The following UCN3 variants were observed in gnomAD, a reference collection of about 807,000 sequenced individuals.
The protein encoded by UCN3 is urocortin-3.
In UCN3, 3 loss-of-function variants were observed where a neutral mutation model predicts 3.6. That is an observed-to-expected ratio of 0.83 (90% CI 0.38 to 2.15). The LOEUF (loss-of-function observed/expected upper bound fraction) is 2.15, where lower values mean the gene tolerates loss of function less well. Among genes scored for constraint, UCN3 ranks in the 30% most tolerant of loss-of-function variants. UCN3 has a pLI of 0.06. For synonymous variants in UCN3, 100 were observed against 93.2 expected (o/e 1.07, Z -0.42); for missense variants, 206 against 208.3 (o/e 0.99, Z 0.07).
chr10:5,370,565 GTATATGCGTGTATATGTGTGTA>G lies in UCN3; in HGVS notation c.-6-3146_-6-3125del, dbSNP rs1831375850. 8.2e-5 allele frequency among the ~76,000 whole-genome samples: 9 copies of G among 109,884 alleles called. 2 individuals carry two copies. The highest frequency in any genetic ancestry group is 1.3e-4 in the Non-Finnish European group (7 of 55,312). 72.1% of individuals were successfully genotyped at this position (109,884 alleles called of 152,430 possible). A position where few individuals can be genotyped will look rare whatever the true frequency, so the allele number is the denominator to read the frequency against. On this transcript the variant is annotated intron_variant, in intron 1 of 1. Transcript: ENST00000380433. ...CGTGTATATGTGTGTATATGTGTGTGTATATGCGTGTATATGTGTGTATATGTGTGTGTGTATGCGTGTGTAT... is the reference window on the plus strand; with the variant it reads ...CGTGTATATGTGTGTATATGTGTGTGTATGTGTGTGTGTATGCGTGTGTAT...
intron 1 of UCN3, among the ~76,000 whole-genome samples, chr10:5,373,488 G>A (rs1183676551): frequency 1.3e-5 from 2 of 152,142 alleles, no homozygotes; most frequent in African/African-American, 2.4e-5. Flanking sequence ...TAGAACACAG[G>A]CAGCTGGGCC....
chr10:5,366,591 A>G lies in UCN3; in HGVS notation c.-7+1361A>G, dbSNP rs1445005060. Among the ~76,000 whole-genome samples, 1 of 152,216 alleles carries G rather than the reference A, an allele frequency of 6.6e-6. No homozygotes were observed. Among genetic ancestry groups the G allele is most frequent in the Non-Finnish European group, 1.5e-5 (1 of 68,046 alleles). ...AAACAAATCTAAACAGATCCTAAAA[A>G]GAAAAGTCCTGGAAAGAAATCTGAA... On this transcript the variant is annotated intron_variant, in intron 1 of 1. Coordinates refer to ENST00000380433, the MANE Select transcript of UCN3 (RefSeq NM_053049.4). The surrounding 1 kb of genome is among the most constrained non-coding windows in gnomAD (Gnocchi z 4.2).
rs1280998901 is a variant in UCN3, at chr10:5,370,919, G to A, written c.-6-2796G>A. Among the ~76,000 whole-genome samples, 2 of 142,152 alleles carry A rather than the reference G, an allele frequency of 1.4e-5. 1 individual carries two copies. The highest frequency in any genetic ancestry group is 5.4e-5 in the African/African-American group (2 of 36,970). 93.3% of individuals were successfully genotyped at this position (142,152 alleles called of 152,430 possible). A position where few individuals can be genotyped will look rare whatever the true frequency, so the allele number is the denominator to read the frequency against. On this transcript the variant is annotated intron_variant, in intron 1 of 1. Transcript: ENST00000380433. ...TGCGTGTGTATATGCGTGTGTATAT[G>A]CGTGTGTATATGTGTGTTCATGTGT...
rs1355556540 is a variant in UCN3 at position 5,370,824 on chromosome 10, CGCGCGTGTGTGT to C, written c.-6-2863_-6-2852del. On this transcript the variant is annotated intron_variant, in intron 1 of 1. Coordinates refer to ENST00000380433, the MANE Select transcript of UCN3 (RefSeq NM_053049.4). ...GTATATGTGTGTGTGCGTGTGTGTG[CGCGCGTGTGTGT>C]GCGCGTGTGTGTGCGCGTGTGTGTG... is the stretch of plus-strand genomic sequence containing the variant. Among the ~76,000 whole-genome samples, 622 of 82,922 alleles carry C rather than the reference CGCGCGTGTGTGT, an allele frequency of 7.5e-3. 29 individuals are homozygous for C. The highest frequency in any genetic ancestry group is 0.022 in the South Asian group (39 of 1,804). The allele number at this position is 82,922 out of a possible 152,430, so 54.4% of individuals were successfully genotyped here.
rs985503838 is a variant in UCN3 at position 5,367,711 on chromosome 10, G to A, written c.-7+2481G>A. Reference sequence around the variant, plus strand: ...TTGATTTACACTAAAGGGCCAGTCCGTGTGAGCAGAGCCCCAAGATGGGCT... The same window carrying A: ...TTGATTTACACTAAAGGGCCAGTCCATGTGAGCAGAGCCCCAAGATGGGCT... On this transcript the variant is annotated intron_variant, in intron 1 of 1. Coordinates refer to ENST00000380433, the MANE Select transcript of UCN3 (RefSeq NM_053049.4). This position sits in a 1 kb window ranked among gnomAD's most constrained non-coding sequence, Gnocchi z 4.3. 5.9e-5 allele frequency among the ~76,000 whole-genome samples: 9 copies of A among 152,356 alleles called. No individual in the cohort carries two copies. The highest frequency in any genetic ancestry group is 3.4e-3 in the Middle Eastern group (1 of 294).
At chr10:5,370,452 T>C (rs1831366032) in intron 1 of UCN3, among the ~76,000 whole-genome samples, 1 of 120,670 alleles carries the variant, frequency 8.3e-6, no homozygotes, top group African/African-American at 3.2e-5. Flanking sequence ...TGTATGTGTG[T>C]GTGTATATGT....
chr10:5,372,049 A>G (rs1480468559), intron 1 of UCN3, among the ~76,000 whole-genome samples: 3 of 152,198 alleles, frequency 2.0e-5, no homozygotes, highest in Admixed American at 2.0e-4. Context: ...GGGCCCGCAG[A>G]CGGCAGCCGT....
At chr10:5,370,848 T>TGA (rs1564443650) in intron 1 of UCN3, among the ~76,000 whole-genome samples, 3 of 64,972 alleles carry the variant, frequency 4.6e-5, no homozygotes, top group Non-Finnish European at 9.5e-5. Flanking sequence ...CGCGTGTGTG[T>TGA]GCGCGTGTGT....
chr10:5,371,871 T>G (rs1215963800), intron 1 of UCN3, among the ~76,000 whole-genome samples: 1 of 151,778 alleles, frequency 6.6e-6, no homozygotes, highest in African/African-American at 2.4e-5. Flanking sequence ...TCTTGCTTGC[T>G]TTTGTGAAAG....
Position 5,370,774 on chromosome 10 carries a change from T to C in UCN3, c.-6-2941T>C, listed in dbSNP as rs1485097226. 1.7e-4 allele frequency among the ~76,000 whole-genome samples: 23 copies of C among 137,816 alleles called. 2 individuals are homozygous for C. Among genetic ancestry groups the C allele is most frequent in the African/African-American group, 4.9e-4 (17 of 34,806 alleles). The allele number at this position is 137,816 out of a possible 152,430, so 90.4% of individuals were successfully genotyped here. On this transcript the variant is annotated intron_variant, in intron 1 of 1. Coordinates refer to ENST00000380433, the MANE Select transcript of UCN3 (RefSeq NM_053049.4). ...TGATGTGTGTGTATATGCGTGTGTA[T>C]ATGCGTGTGTGTGTGTATGCGTGTG...
chr10:5,368,256 G>A (rs927535875), intron 1 of UCN3, among the ~76,000 whole-genome samples: 3 of 151,914 alleles, frequency 2.0e-5, no homozygotes, highest in South Asian at 2.1e-4. Context: ...CACCTGCCTC[G>A]GCCCCCCAAA....
At chr10:5,369,182 G>A (rs551974053) in intron 1 of UCN3, among the ~76,000 whole-genome samples, 2 of 152,342 alleles carry the variant, frequency 1.3e-5, no homozygotes, top group South Asian at 2.1e-4. Context: ...ACAAGCCAGA[G>A]ATACGATACA....
intron 1 of UCN3, among the ~76,000 whole-genome samples, chr10:5,368,041 T>C (rs1467357892): frequency 6.6e-6 from 1 of 152,134 alleles, no homozygotes; most frequent in Non-Finnish European, 1.5e-5. Context: ...TCTCACTCTT[T>C]CACCCAGGAT....
Position 5,367,367 on chromosome 10 carries a change from T to C in UCN3, c.-7+2137T>C, listed in dbSNP as rs140989878. Among the ~76,000 whole-genome samples, 896 of 152,306 alleles carry C rather than the reference T, an allele frequency of 5.9e-3. 11 individuals carry two copies. Among genetic ancestry groups the C allele is most frequent in the Middle Eastern group, 0.024 (7 of 294 alleles). On this transcript the variant is annotated intron_variant, in intron 1 of 1. Coordinates refer to ENST00000380433, the MANE Select transcript of UCN3 (RefSeq NM_053049.4). The surrounding 1 kb of genome is among the most constrained non-coding windows in gnomAD (Gnocchi z 4.3). ...TTTTCCTCTGTGATACGTAACAACA[T>C]GATTTGCAGAGAGAATGTACATCCA...
rs782730758 is a variant in UCN3 at position 5,370,842 on chromosome 10, TGTGTGTGCGC to T, written c.-6-2865_-6-2856del. Among the ~76,000 whole-genome samples the T allele has an allele frequency of 4.5e-3, 388 of 86,812 alleles. 27 individuals carry two copies. Among genetic ancestry groups the T allele is most frequent in the Non-Finnish European group, 6.7e-3 (295 of 43,962 alleles). 57.0% of individuals were successfully genotyped at this position (86,812 alleles called of 152,430 possible). ...GTGTGTGCGCGCGTGTGTGTGCGCG[TGTGTGTGCGC>T]GTGTGTGTGCGTGTGTATGTGTGTG... On this transcript the variant is annotated intron_variant, in intron 1 of 1. Coordinates refer to ENST00000380433, the MANE Select transcript of UCN3 (RefSeq NM_053049.4).
At chr10:5,370,831 G>C (rs1335033811) in intron 1 of UCN3, among the ~76,000 whole-genome samples, 1 of 91,272 alleles carries the variant, frequency 1.1e-5, no homozygotes, top group Non-Finnish European at 2.2e-5. Flanking sequence ...GTGCGCGCGT[G>C]TGTGTGCGCG....
intron 1 of UCN3, among the ~76,000 whole-genome samples, chr10:5,369,929 G>GTGTGTATA (rs879984951): frequency 0.027 from 2,347 of 87,632 alleles, 437 homozygotes; most frequent in South Asian, 0.059. Context: ...GTGTGTATGT[G>GTGTGTATA]TGTGTGTGTA....
chr10:5,370,177 A>G lies in UCN3; in HGVS notation c.-6-3538A>G, dbSNP rs797039644. Among the ~76,000 whole-genome samples the G allele has an allele frequency of 1.9e-4, 8 of 42,714 alleles. 2 individuals are homozygous for G. The highest frequency in any genetic ancestry group is 2.8e-4 in the Admixed American group (1 of 3,528). 28.0% of individuals were successfully genotyped at this position (42,714 alleles called of 152,430 possible). A position where few individuals can be genotyped will look rare whatever the true frequency, so the allele number is the denominator to read the frequency against. ...TATGTGTGTGTATATGTGTGTGTATATGCGTGTGTATATGCGTGTGTATAT... is the reference window on the plus strand; with the variant it reads ...TATGTGTGTGTATATGTGTGTGTATGTGCGTGTGTATATGCGTGTGTATAT... On this transcript the variant is annotated intron_variant, in intron 1 of 1. Coordinates refer to ENST00000380433, the MANE Select transcript of UCN3 (RefSeq NM_053049.4).
chr10:5,365,245 G>A lies in UCN3; in HGVS notation c.-7+15G>A, dbSNP rs1834105053. Reference sequence around the variant, plus strand: ...TCCACTCTCGGGTAAGCTTGTGGCTGGGACTGACTTATGAAGGGTAAATGT... The same window carrying A: ...TCCACTCTCGGGTAAGCTTGTGGCTAGGACTGACTTATGAAGGGTAAATGT... On this transcript the variant is annotated intron_variant, in intron 1 of 1. Coordinates refer to ENST00000380433, the MANE Select transcript of UCN3 (RefSeq NM_053049.4). This position sits in a 1 kb window ranked among gnomAD's most constrained non-coding sequence, Gnocchi z 4.4. The A allele has an allele frequency of 6.6e-6, 1 of 152,354 alleles. No individual in the cohort carries two copies. The highest frequency in any genetic ancestry group is 1.5e-5 in the Non-Finnish European group (1 of 68,166). 9.4% of individuals were successfully genotyped at this position (152,354 alleles called of 1,614,324 possible).
Sources: allele counts gnomAD v4.1 joint callset (sites outside exome capture counted in the v4.1 genomes callset), GRCh38; gene constraint gnomAD v4.1.1; non-coding constraint Gnocchi (gnomAD v3.1); transcripts MANE v1.5; gene names NCBI Gene and HGNC (gene_info 2026-07-23, HGNC 2026-07-21).